The following DBT variants were observed in gnomAD, a reference collection of about 807,000 sequenced individuals.
DBT encodes lipoamide acyltransferase component of branched-chain alpha-keto acid dehydrogenase complex, mitochondrial.
DBT carries 40 observed loss-of-function variants against 51.3 expected under a neutral mutation model. That is an observed-to-expected ratio of 0.78 (90% CI 0.61 to 1.02). DBT has a LOEUF of 1.02. DBT is among the 50% of genes least tolerant of loss of function. The pLI is 0.00. For missense variants in DBT, 510 were observed against 580.2 expected, an observed-to-expected ratio of 0.88 and a Z score of 1.24; for synonymous variants, 181 against 190.4, an observed-to-expected ratio of 0.95 and a Z score of 0.41.
chr1:100,219,027 T>C (rs1194404539), intron 4 of DBT, among the ~76,000 whole-genome samples: 1 of 152,064 alleles, frequency 6.6e-6, no homozygotes, highest in East Asian at 1.9e-4. Context: ...AGCTACAAGT[T>C]TAAACATGAG....
chr1:100,197,417 A>G (rs1182005572), intron 10 of DBT, among the ~76,000 whole-genome samples: 1 of 152,194 alleles, frequency 6.6e-6, no homozygotes, highest in Non-Finnish European at 1.5e-5. Flanking sequence ...GGTGGGGGGC[A>G]GTGAGGAAAG....
At chr1:100,201,935 C>T (rs1385093597) in intron 10 of DBT, among the ~76,000 whole-genome samples, 2 of 152,192 alleles carry the variant, frequency 1.3e-5, no homozygotes, top group African/African-American at 2.4e-5. Context: ...CAACTGGTAG[C>T]AGCCACTGCA....
At chr1:100,217,303 C>T (rs992636986) in intron 5 of DBT, among the ~76,000 whole-genome samples, 1 of 152,028 alleles carries the variant, frequency 6.6e-6, no homozygotes, top group Non-Finnish European at 1.5e-5. Context: ...GATTTCAAAG[C>T]AAAATGTTAA....
chr1:100,240,932 C>T lies in DBT; in HGVS notation c.52-48G>A, dbSNP rs370464271. 5.7e-5 allele frequency: 90 copies of T among 1,565,252 alleles called. No individual in the cohort carries two copies. In the East Asian group the frequency reaches 9.5e-4, roughly 16 times the overall value. On this transcript the variant is annotated intron_variant, in intron 1 of 10. Transcript: ENST00000370132. ...TAAAAGCATTTATAAACAACCATACCGGCTTATCTCTAAGTATAAATTGAA... is the reference window on the plus strand; with the variant it reads ...TAAAAGCATTTATAAACAACCATACTGGCTTATCTCTAAGTATAAATTGAA...
intron 1 of DBT, among the ~76,000 whole-genome samples, 156 bp from the exon 2 acceptor site, chr1:100,241,040 C>T (rs1664181137): frequency 6.6e-6 from 1 of 152,078 alleles, no homozygotes; most frequent in South Asian, 2.1e-4. Flanking sequence ...ATTTATGATC[C>T]TTACCCAAAA....
intron 1 of DBT, among the ~76,000 whole-genome samples, chr1:100,244,770 T>C (rs1158511981): frequency 4.0e-5 from 6 of 151,826 alleles, no homozygotes; most frequent in Admixed American, 3.9e-4. Context: ...GTAATAAAGG[T>C]TTTGTGAATG....
intron 2 of DBT, among the ~76,000 whole-genome samples, chr1:100,237,513 C>T (rs12046458): frequency 0.79 from 120,887 of 152,120 alleles, 49,406 homozygotes; most frequent in East Asian, 0.95. Flanking sequence ...TTTAGGTCTA[C>T]AAGTTTAGAA....
chr1:100,243,127 A>G (rs558406155), intron 1 of DBT, among the ~76,000 whole-genome samples: 9 of 151,592 alleles, frequency 5.9e-5, no homozygotes, highest in African/African-American at 1.7e-4. Context: ...TCAGCTGGAC[A>G]TGGTGGCACA....
chr1:100,229,260 CG>C (rs1176729273), intron 4 of DBT, among the ~76,000 whole-genome samples: 1 of 152,084 alleles, frequency 6.6e-6, no homozygotes, highest in Non-Finnish European at 1.5e-5. Context: ...CTCCACCTCC[CG>C]GGTTCAAGCG....
chr1:100,213,189 TAAGAGATA>T lies in DBT; in HGVS notation c.939+1620_939+1627del, dbSNP rs1662255214. The T allele has an allele frequency of 8.0e-6, 4 of 502,834 alleles. No individual in the cohort carries two copies. In the South Asian group the frequency reaches 1.8e-4, roughly 22 times the overall value. 31.1% of individuals were successfully genotyped at this position (502,834 alleles called of 1,614,324 possible). A position where few individuals can be genotyped will look rare whatever the true frequency, so the allele number is the denominator to read the frequency against. On this transcript the variant is annotated intron_variant, in intron 7 of 10. Coordinates refer to ENST00000370132, the MANE Select transcript of DBT (RefSeq NM_001918.5). The stretch of plus-strand genomic sequence containing the variant: ...TACATGTCAGGGTTACTCTGAGAAT[TAAGAGATA>T]ATGGGCCCTGCCCCGCGTCTGCCTC...
rs115696850 is a variant in DBT, at chr1:100,206,199, A to C, written c.1281+31T>G. ...GTGTTTAGTCCCTGAATTTGCTTAAACTCCATTTTTCAGTTATCTAATACA... is the reference window on the plus strand; with the variant it reads ...GTGTTTAGTCCCTGAATTTGCTTAACCTCCATTTTTCAGTTATCTAATACA... On this transcript the variant is annotated intron_variant, in intron 10 of 10. Coordinates refer to ENST00000370132, the MANE Select transcript of DBT (RefSeq NM_001918.5). The C allele has an allele frequency of 0.04, 59,758 of 1,508,738 alleles. 1,466 individuals carry two copies. Among genetic ancestry groups the C allele is most frequent in the Non-Finnish European group, 0.047 (50,691 of 1,085,850 alleles). The allele number at this position is 1,508,738 out of a possible 1,614,324, so 93.5% of individuals were successfully genotyped here.
At chr1:100,211,860 G>C (rs1662165466) in intron 7 of DBT, among the ~76,000 whole-genome samples, 2 of 152,046 alleles carry the variant, frequency 1.3e-5, no homozygotes, top group Admixed American at 6.5e-5. Context: ...TAGCCTCAAC[G>C]TCCTTGGCTC....
rs6700203 is a variant in DBT at position 100,246,398 on chromosome 1, A to C, written c.51+3372T>G. Among the ~76,000 whole-genome samples the C allele has an allele frequency of 2.8e-3, 423 of 152,368 alleles. 5 individuals carry two copies. Among genetic ancestry groups the C allele is most frequent in the African/African-American group, 9.9e-3 (411 of 41,588 alleles). On this transcript the variant is annotated intron_variant, in intron 1 of 10. Coordinates refer to ENST00000370132, the MANE Select transcript of DBT (RefSeq NM_001918.5). Reference sequence around the variant, plus strand: ...CAATAGGCAGCTGTTGAGCACTCCTAAAGTCAGACATTGTACTGGACTTGG... The same window carrying C: ...CAATAGGCAGCTGTTGAGCACTCCTCAAGTCAGACATTGTACTGGACTTGG...
Position 100,195,928 on chromosome 1 carries a change from G to C in DBT, c.*327C>G, listed in dbSNP as rs568215097. 2 of 330,418 alleles carry C rather than the reference G, an allele frequency of 6.1e-6. No individual in the cohort carries two copies. Among genetic ancestry groups the C allele is most frequent in the South Asian group, 5.6e-5 (2 of 35,454 alleles). 20.5% of individuals were successfully genotyped at this position (330,418 alleles called of 1,614,324 possible). A position where few individuals can be genotyped will look rare whatever the true frequency, so the allele number is the denominator to read the frequency against. ...GATCCGCCCACCTGGGCCTCCCAAA[G>C]TGCTGGGATTACAGGCGTGAGCCAC... On this transcript the variant is annotated 3_prime_UTR_variant, in exon 11 of 11. Coordinates refer to ENST00000370132, the MANE Select transcript of DBT (RefSeq NM_001918.5).
Position 100,211,058 on chromosome 1 carries a change from A to G in DBT, c.940-287T>C, listed in dbSNP as rs745638768. 6 of 776,270 alleles carry G rather than the reference A, an allele frequency of 7.7e-6. No individual in the cohort carries two copies. The South Asian group carries it at 8.1e-5, about 11-fold the overall frequency. The allele number at this position is 776,270 out of a possible 1,614,324, so 48.1% of individuals were successfully genotyped here. ...TACAGACCAGCCAAAGTTCCAAAGA[A>G]AATGTCTAAATTCTAGGTGATTTCC... On this transcript the variant is annotated intron_variant, in intron 7 of 10. Coordinates refer to ENST00000370132, the MANE Select transcript of DBT (RefSeq NM_001918.5).
intron 4 of DBT, among the ~76,000 whole-genome samples, chr1:100,225,280 T>C (rs1276361736): frequency 6.6e-6 from 1 of 151,938 alleles, no homozygotes; most frequent in Non-Finnish European, 1.5e-5. Context: ...TATTAGAGAT[T>C]AGTTTGGATT....
At chr1:100,224,922 G>C (rs1663079291) in intron 4 of DBT, among the ~76,000 whole-genome samples, 1 of 150,512 alleles carries the variant, frequency 6.6e-6, no homozygotes, top group Admixed American at 6.7e-5. Context: ...AGGAGGCTGA[G>C]GCAGGAGATT....
At chr1:100,235,286 A>T (rs1222018327) in intron 3 of DBT, 150 bp downstream of exon 3, 1 of 548,748 alleles carries the variant, frequency 1.8e-6, no homozygotes. Context: ...ATTCTACCTT[A>T]TTGCTTTTAA....
chr1:100,199,942 C>T (rs1040993245), intron 10 of DBT, among the ~76,000 whole-genome samples: 2 of 152,088 alleles, frequency 1.3e-5, no homozygotes, highest in African/African-American at 4.8e-5. Flanking sequence ...CCACAAGGGC[C>T]CTGAGTTTCA....
Sources: allele counts gnomAD v4.1 joint callset (sites outside exome capture counted in the v4.1 genomes callset), GRCh38; gene constraint gnomAD v4.1.1; transcripts MANE v1.5; gene names NCBI Gene and HGNC (gene_info 2026-07-23, HGNC 2026-07-21).